The following ZNF266 variants were observed in gnomAD, a reference collection of about 807,000 sequenced individuals.
ZNF266 encodes zinc finger protein 266.
ZNF266 carries 16 observed loss-of-function variants against 16.4 expected under a neutral mutation model. The ratio of observed to expected loss-of-function variants is 0.98; its 90% CI spans 0.66 to 1.48. The LOEUF (loss-of-function observed/expected upper bound fraction) is 1.48. ZNF266 is among the 40% of genes most tolerant of loss of function. ZNF266 has a pLI of 0.00. For synonymous variants in ZNF266, 262 were observed against 237.9 expected, an observed-to-expected ratio of 1.10 and a Z score of -0.93; for missense variants, 738 against 689.1, an observed-to-expected ratio of 1.07 and a Z score of -0.79.
At position 9,414,732 on chromosome 19, in the gene ZNF266, G is replaced by A. The variant is rs2068726969; in HGVS notation, c.406-12C>T. 1.9e-6 allele frequency: 3 copies of A among 1,539,822 alleles called. No homozygotes were observed. Among genetic ancestry groups the A allele is most frequent in the Non-Finnish European group, 2.6e-6 (3 of 1,141,186 alleles). On this transcript the variant is annotated splice_polypyrimidine_tract_variant and intron_variant, in intron 10 of 10. Transcript: ENST00000592904. ...TTGTGGCTTCCTATCTGTTGATAAAGGAATGAATGATGATTAAAGGACGGT... is the reference window on the plus strand; with the variant it reads ...TTGTGGCTTCCTATCTGTTGATAAAAGAATGAATGATGATTAAAGGACGGT...
intron 5 of ZNF266, among the ~76,000 whole-genome samples, chr19:9,423,546 A>G (rs1038669113): frequency 6.6e-6 from 1 of 152,224 alleles, no homozygotes; most frequent in Non-Finnish European, 1.5e-5. Flanking sequence ...GTGGATCTAC[A>G]TGAAAAGTGG....
chr19:9,434,283 T>C (rs942030880), intron 3 of ZNF266, 48 bp from the exon 4 acceptor site: 2 of 152,198 alleles, frequency 1.3e-5, no homozygotes, highest in African/African-American at 2.4e-5. Flanking sequence ...CTACTTTACT[T>C]ACAGACCTTC....
At chr19:9,422,098 G>A (rs1044053486) in intron 5 of ZNF266, among the ~76,000 whole-genome samples, 3 of 152,120 alleles carry the variant, frequency 2.0e-5, no homozygotes, top group African/African-American at 4.8e-5. Flanking sequence ...TGATCTGCCC[G>A]CCTCGGCCTC....
At position 9,413,047 on chromosome 19, in the gene ZNF266, C is replaced by T. The variant is rs962184709; in HGVS notation, c.*228G>A. 11 of 546,424 alleles carry T rather than the reference C, an allele frequency of 2.0e-5. No homozygotes were observed. Among genetic ancestry groups the T allele is most frequent in the Middle Eastern group, 4.4e-4 (1 of 2,248 alleles). The allele number at this position is 546,424 out of a possible 1,614,324, so 33.8% of individuals were successfully genotyped here. A position where few individuals can be genotyped will look rare whatever the true frequency, so the allele number is the denominator to read the frequency against. ...TATTCCCAGATTCTCTACATTCATA[C>T]AGTTTCTCTCCAGTGAGATTTCTGA... On this transcript the variant is annotated 3_prime_UTR_variant, in exon 11 of 11. Transcript: ENST00000592904.
chr19:9,417,895 G>A lies in ZNF266; in HGVS notation c.249C>T (p.Phe83=). The change falls in exon 9 of 11, where the codon TTC becomes TTT. Residue 83 remains phenylalanine (F), a synonymous_variant. Transcript: ENST00000592904. ...KNLATVGYQL[F]KPSLISWLEQ... Reference sequence around the variant, plus strand: ...CCAGCCAAGAGATCAGACTGGGTTTGAAGAGCTGATATCCTGTGCACAAAG... The same window carrying A: ...CCAGCCAAGAGATCAGACTGGGTTTAAAGAGCTGATATCCTGTGCACAAAG... 1 of 1,614,110 alleles carries A rather than the reference G, an allele frequency of 6.2e-7. No individual in the cohort carries two copies. The highest frequency in any genetic ancestry group is 2.2e-5 in the East Asian group (1 of 44,886).
intron 5 of ZNF266, among the ~76,000 whole-genome samples, chr19:9,429,442 T>A (rs760442364): frequency 6.6e-6 from 1 of 151,916 alleles, no homozygotes; most frequent in Non-Finnish European, 1.5e-5. Context: ...TCTTACTAGA[T>A]GCTTTGTTGG....
intron 5 of ZNF266, among the ~76,000 whole-genome samples, chr19:9,431,017 T>C (rs116603574): frequency 3.3e-4 from 50 of 152,208 alleles, no homozygotes; most frequent in African/African-American, 1.1e-3. Context: ...GCCTTTTCTG[T>C]ACCTAACCCA....
At chr19:9,422,609 G>C (rs1156715830) in intron 5 of ZNF266, among the ~76,000 whole-genome samples, 3 of 152,112 alleles carry the variant, frequency 2.0e-5, no homozygotes, top group Admixed American at 2.0e-4. Context: ...AACTTCCTCT[G>C]CTCATGAGCA....
intron 9 of ZNF266, among the ~76,000 whole-genome samples, chr19:9,416,671 T>TC (rs2069065629): frequency 7.8e-6 from 1 of 128,628 alleles, no homozygotes; most frequent in Non-Finnish European, 1.6e-5. Context: ...GCCTTTTTTT[T>TC]TTTTTTTTTT....
intron 5 of ZNF266, among the ~76,000 whole-genome samples, chr19:9,423,444 A>G (rs1760900196): frequency 6.6e-6 from 1 of 152,206 alleles, no homozygotes; most frequent in African/African-American, 2.4e-5. Flanking sequence ...GTTTCTAAAC[A>G]AGCAAAGCAT....
chr19:9,430,086 C>G (rs2071370347), intron 5 of ZNF266, among the ~76,000 whole-genome samples: 1 of 126,080 alleles, frequency 7.9e-6, no homozygotes, highest in Admixed American at 1.1e-4. Flanking sequence ...TCTGTACTTG[C>G]TAGTTTCACA....
At chr19:9,417,663 G>A (rs971833901) in intron 9 of ZNF266, among the ~76,000 whole-genome samples, 165 bp downstream of exon 9, 6 of 151,868 alleles carry the variant, frequency 4.0e-5, no homozygotes, top group Non-Finnish European at 7.4e-5. Context: ...CAGGAGAATC[G>A]CTTGCACCTG....
intron 7 of ZNF266, chr19:9,418,881 G>C (rs1358491694): frequency 1.6e-5 from 5 of 310,260 alleles, no homozygotes; most frequent in Non-Finnish European, 6.1e-6. Context: ...CTCTTGAGCA[G>C]ATGCTAGATA....
rs201375825 is a variant in ZNF266, at chr19:9,414,429, T to C, written c.697A>G (p.Ile233Val). 1.1e-4 allele frequency: 172 copies of C among 1,614,078 alleles called. No individual in the cohort carries two copies. Among genetic ancestry groups the C allele is most frequent in the Middle Eastern group, 3.3e-4 (2 of 6,084 alleles). The change falls in exon 11 of 11, where the codon ATT becomes GTT. Residue 233 changes from isoleucine to valine, a missense_variant. Transcript: ENST00000592904. ...TGTCCCTGAAGGTGTGAATGATTAA[T>C]GAAGGATTTCCCAGAGTCACTGCAA... ...FDCSDSGKSF[I>V]NHSHLQGHLR...
At chr19:9,420,327 C>T (rs2069664372) in intron 5 of ZNF266, 109 bp from the exon 6 acceptor site, 1 of 152,220 alleles carries the variant, frequency 6.6e-6, no homozygotes, top group African/African-American at 2.4e-5. Context: ...ACGGTGTACA[C>T]TACAAATAGT....
chr19:9,418,430 C>T, intron 8 of ZNF266, 75 bp downstream of exon 8: 2 of 1,497,272 alleles, frequency 1.3e-6, no homozygotes. Flanking sequence ...GAGTTGCTAT[C>T]TCTGATGTGC....
intron 5 of ZNF266, among the ~76,000 whole-genome samples, chr19:9,421,134 G>A (rs1333206604): frequency 1.3e-5 from 2 of 152,148 alleles, no homozygotes; most frequent in Admixed American, 6.5e-5. Flanking sequence ...TTGACAGAAT[G>A]GAATCTGAAC....
At chr19:9,428,968 A>G (rs1267986447) in intron 5 of ZNF266, among the ~76,000 whole-genome samples, 3 of 152,056 alleles carry the variant, frequency 2.0e-5, no homozygotes, top group Admixed American at 1.3e-4. Flanking sequence ...TCCTGGGCTC[A>G]AGCAATCCTC....
chr19:9,428,958 TCCTGGGCTCAAGCA>T (rs895718414), intron 5 of ZNF266, among the ~76,000 whole-genome samples: 16 of 151,988 alleles, frequency 1.1e-4, no homozygotes, highest in African/African-American at 3.9e-4. Context: ...GGTCTCAAAC[TCCTGGGCTCAAGCA>T]ATCCTCCCAC....
Sources: gnomAD v4.1 joint callset for allele counts (sites outside exome capture counted in the v4.1 genomes callset) on GRCh38, gnomAD v4.1.1 for gene constraint, MANE v1.5 for transcripts, NCBI Gene and HGNC (gene_info 2026-07-23, HGNC 2026-07-21) for gene names.